CHRM3: variants seen among roughly 807,000 people sequenced by gnomAD.
CHRM3 encodes cholinergic receptor muscarinic 3.
Under a neutral mutation model 41.8 loss-of-function variants are expected in CHRM3, and 11 were observed. The ratio of observed to expected loss-of-function variants is 0.26; its 90% confidence interval spans 0.17 to 0.44. The LOEUF is 0.44. Ranked by LOEUF, CHRM3 falls within the 20% of genes least tolerant of loss-of-function variation. The pLI is 1.00. For missense variants in CHRM3, 571 were observed against 745.4 expected, an observed-to-expected ratio of 0.77 and a Z score of 2.72; for synonymous variants, 297 against 301.4, an observed-to-expected ratio of 0.99 and a Z score of 0.15.
chr1:239,609,737 A>G (rs1666772681), intron 3 of CHRM3, among the ~76,000 whole-genome samples: 1 of 152,154 alleles, frequency 6.6e-6, no homozygotes, highest in Non-Finnish European at 1.5e-5. Context: ...CTAATGACCC[A>G]TGATCTTGAG....
chr1:239,589,610 T>C lies in CHRM3; in HGVS notation c.-312-42614T>C, dbSNP rs890190552. Among the ~76,000 whole-genome samples the C allele has an allele frequency of 3.5e-5, 5 of 142,178 alleles. No individual in the cohort carries two copies. The Admixed American group carries it at 3.6e-4, about 10-fold the overall frequency. 93.3% of individuals were successfully genotyped at this position (142,178 alleles called of 152,430 possible). A position where few individuals can be genotyped will look rare whatever the true frequency, so the allele number is the denominator to read the frequency against. On this transcript the variant is annotated intron_variant, in intron 3 of 6. Transcript: ENST00000676153. ...TGCAATTAGCACCTATATATATTTATGTAATTTCCATGCATATATATAAAA... is the reference window on the plus strand; with the variant it reads ...TGCAATTAGCACCTATATATATTTACGTAATTTCCATGCATATATATAAAA...
intron 6 of CHRM3, among the ~76,000 whole-genome samples, chr1:239,874,309 A>ATATATACACAG (rs1558199280): frequency 8.3e-6 from 1 of 120,256 alleles, no homozygotes; most frequent in Non-Finnish European, 1.7e-5. Context: ...ATATATATAT[A>ATATATACACAG]TATATATATA....
chr1:239,543,524 T>C (rs960953542), intron 2 of CHRM3, among the ~76,000 whole-genome samples: 1 of 151,930 alleles, frequency 6.6e-6, no homozygotes, highest in Admixed American at 6.6e-5. Context: ...TTTTTTTTTT[T>C]TGTGATGGAG....
chr1:239,813,859 G>A (rs1436159278), intron 5 of CHRM3, among the ~76,000 whole-genome samples: 1 of 137,186 alleles, frequency 7.3e-6, no homozygotes, highest in Non-Finnish European at 1.5e-5. Context: ...GGAGCTTGCA[G>A]TGAGCCGAGA....
At chr1:239,806,268 G>T (rs1670632818) in intron 5 of CHRM3, among the ~76,000 whole-genome samples, 1 of 152,178 alleles carries the variant, frequency 6.6e-6, no homozygotes, top group South Asian at 2.1e-4. Context: ...GGCCTCATTT[G>T]CTTGTGAAGC....
chr1:239,577,316 AT>A (rs1279817602), intron 3 of CHRM3, among the ~76,000 whole-genome samples: 6 of 151,690 alleles, frequency 4.0e-5, no homozygotes, highest in Non-Finnish European at 7.4e-5. Flanking sequence ...TATCCTTTTA[AT>A]TTTTTTAAAT....
intron 5 of CHRM3, among the ~76,000 whole-genome samples, chr1:239,795,438 C>T (rs192094759): frequency 4.7e-4 from 72 of 152,284 alleles, no homozygotes; most frequent in African/African-American, 1.6e-3. Flanking sequence ...ATTTCAACCC[C>T]TTATGCCAGG....
At chr1:239,751,579 T>A (rs1205435044) in intron 5 of CHRM3, among the ~76,000 whole-genome samples, 1 of 152,190 alleles carries the variant, frequency 6.6e-6, no homozygotes, top group Non-Finnish European at 1.5e-5. Context: ...TGCTTTTACT[T>A]ATGATTTTTT....
At chr1:239,730,672 T>C (rs1369459891) in intron 5 of CHRM3, among the ~76,000 whole-genome samples, 1 of 152,020 alleles carries the variant, frequency 6.6e-6, no homozygotes, top group African/African-American at 2.4e-5. Flanking sequence ...GAGTGAACCA[T>C]GGACGCTGAG....
At chr1:239,400,626 G>A (rs1327505497) in intron 1 of CHRM3, among the ~76,000 whole-genome samples, 1 of 152,102 alleles carries the variant, frequency 6.6e-6, no homozygotes, top group Non-Finnish European at 1.5e-5. Flanking sequence ...TATGATTTTT[G>A]TATTTGGTGT....
chr1:239,402,255 T>C (rs1423879170), intron 1 of CHRM3, among the ~76,000 whole-genome samples: 1 of 152,224 alleles, frequency 6.6e-6, no homozygotes, highest in Admixed American at 6.5e-5. Flanking sequence ...GGATTCAGAC[T>C]TGAATCCTTC....
intron 6 of CHRM3, among the ~76,000 whole-genome samples, chr1:239,844,095 T>C (rs1050344945): frequency 5.3e-5 from 8 of 152,132 alleles, no homozygotes; most frequent in African/African-American, 1.2e-4. Flanking sequence ...CTTAAAATTT[T>C]CTCTCTTAGC....
chr1:239,881,168 A>G (rs904008070), intron 6 of CHRM3, among the ~76,000 whole-genome samples: 1 of 149,778 alleles, frequency 6.7e-6, no homozygotes, highest in African/African-American at 2.5e-5. Flanking sequence ...CTGTAGTCCC[A>G]GCTTCTCGGG....
intron 6 of CHRM3, among the ~76,000 whole-genome samples, chr1:239,872,497 C>T (rs1177373012): frequency 6.6e-6 from 1 of 152,102 alleles, no homozygotes; most frequent in Non-Finnish European, 1.5e-5. Flanking sequence ...ACGGCCCCAA[C>T]CCGAAATCAG....
chr1:239,526,405 A>G lies in CHRM3; in HGVS notation c.-421-19236A>G, dbSNP rs1487856039. 3.9e-5 allele frequency among the ~76,000 whole-genome samples: 6 copies of G among 152,130 alleles called. No individual in the cohort carries two copies. In the East Asian group the frequency reaches 1.2e-3, roughly 29 times the overall value. On this transcript the variant is annotated intron_variant, in intron 2 of 6. Transcript: ENST00000676153. ...ACAACTGATATTTTTACGTGAATTA[A>G]GAGACACAGCAATTCCACTTCATCC...
intron 6 of CHRM3, among the ~76,000 whole-genome samples, chr1:239,838,294 A>G (rs951714441): frequency 6.6e-6 from 1 of 152,176 alleles, no homozygotes; most frequent in Non-Finnish European, 1.5e-5. Flanking sequence ...TTAATTGTAG[A>G]TTATGGGACT....
At chr1:239,688,164 A>G (rs534549328) in intron 5 of CHRM3, among the ~76,000 whole-genome samples, 1 of 150,402 alleles carries the variant, frequency 6.6e-6, no homozygotes, top group East Asian at 1.9e-4. Context: ...AGAAGGAAAA[A>G]AATACATATA....
intron 3 of CHRM3, among the ~76,000 whole-genome samples, chr1:239,608,684 C>T (rs764114657): frequency 6.6e-6 from 1 of 152,176 alleles, no homozygotes; most frequent in Admixed American, 6.5e-5. Flanking sequence ...AGCACAGGAA[C>T]ACGAACGAAG....
In CHRM3 at chr1:239,404,719, AATATATATAT is replaced by A. The variant is rs67746016; in HGVS notation, c.-521+17521_-521+17530del. 6.6e-3 allele frequency among the ~76,000 whole-genome samples: 644 copies of A among 97,344 alleles called. 12 individuals are homozygous for A. Among genetic ancestry groups the A allele is most frequent in the Middle Eastern group, 0.062 (10 of 162 alleles). 63.9% of individuals were successfully genotyped at this position (97,344 alleles called of 152,430 possible). ...CATTAAATGTATCATGCTATATCTA[AATATATATAT>A]ATATATATATATATATATATATATA... On this transcript the variant is annotated intron_variant, in intron 1 of 6. Transcript: ENST00000676153.
Sources: allele counts gnomAD v4.1 joint callset (sites outside exome capture counted in the v4.1 genomes callset), GRCh38; gene constraint gnomAD v4.1.1; transcripts MANE v1.5; gene names NCBI Gene and HGNC (gene_info 2026-07-23, HGNC 2026-07-21).